SUGT1: variants seen among roughly 807,000 people sequenced by gnomAD.
SUGT1 encodes SGT1 assembly cochaperone of MIS12 kinetochore complex, also known as protein SGT1 homolog.
Under a neutral mutation model 56.1 loss-of-function variants are expected in SUGT1, and 15 were observed. That is an observed-to-expected ratio of 0.27 (90% CI 0.18 to 0.41). The LOEUF (loss-of-function observed/expected upper bound fraction) is 0.41, where lower values mean the gene tolerates loss of function less well. SUGT1 is among the 10% of genes least tolerant of loss of function. The pLI is 1.00. For missense variants in SUGT1, 347 were observed against 382.2 expected, an observed-to-expected ratio of 0.91 and a Z score of 0.77; for synonymous variants, 123 against 128.6, an observed-to-expected ratio of 0.96 and a Z score of 0.30.
intron 5 of SUGT1, among the ~76,000 whole-genome samples, chr13:52,659,810 ATATATTTTTTTTTTTTTTTTTTT>A (rs1871757801): frequency 4.6e-5 from 1 of 21,580 alleles, no homozygotes; most frequent in Non-Finnish European, 8.1e-5. Flanking sequence ...ATATATATAT[ATATATTTTTTTTTTTTTTTTTTT>A]TTTTTTTTTT....
chr13:52,681,836 TA>T (rs35537047), intron 12 of SUGT1, among the ~76,000 whole-genome samples: 28 of 133,964 alleles, frequency 2.1e-4, no homozygotes, highest in South Asian at 4.8e-4. Flanking sequence ...CCTATCTCTT[TA>T]AAAAAAAAAA....
intron 2 of SUGT1, among the ~76,000 whole-genome samples, chr13:52,654,125 A>G (rs1177945534): frequency 6.6e-6 from 1 of 152,226 alleles, no homozygotes; most frequent in Non-Finnish European, 1.5e-5. Flanking sequence ...CATTTGATTA[A>G]GAGAGGTTGG....
intron 8 of SUGT1, 94 bp from the exon 9 acceptor site, chr13:52,665,543 G>A: frequency 2.5e-6 from 2 of 812,628 alleles, no homozygotes; most frequent in Non-Finnish European, 3.9e-6. Context: ...TCCTCCAGGT[G>A]GGGCTCTTGT....
At chr13:52,682,567 G>A (rs566040505) in intron 12 of SUGT1, among the ~76,000 whole-genome samples, 1 of 152,198 alleles carries the variant, frequency 6.6e-6, no homozygotes, top group Non-Finnish European at 1.5e-5. Context: ...TTAACTTGAG[G>A]TTCCTTTTTG....
rs928209960 is a variant in SUGT1 at position 52,670,723 on chromosome 13, G to T, written c.627+3804G>T. Among the ~76,000 whole-genome samples the T allele has an allele frequency of 3.9e-5, 6 of 152,232 alleles. No individual in the cohort carries two copies. The South Asian group carries it at 8.3e-4, about 21-fold the overall frequency. On this transcript the variant is annotated intron_variant, in intron 10 of 12. Coordinates refer to ENST00000310528, the MANE Select transcript of SUGT1 (RefSeq NM_006704.5). ...CTCGGGAGACTGAGGCAGGAGAATC[G>T]CTTGAACCTGGGAGGCGGAGGTTGC...
Position 52,687,961 on chromosome 13 carries a change from G to A in SUGT1, c.*126G>A, listed in dbSNP as rs1963661485. 1 of 548,806 alleles carries A rather than the reference G, an allele frequency of 1.8e-6. No homozygotes were observed. Among genetic ancestry groups the A allele is most frequent in the South Asian group, 3.5e-5 (1 of 28,968 alleles). 34.0% of individuals were successfully genotyped at this position (548,806 alleles called of 1,614,324 possible). A position where few individuals can be genotyped will look rare whatever the true frequency, so the allele number is the denominator to read the frequency against. ...AGATTATACTTCTTTACCTCTTTGT[G>A]CTTTAGAAATTATTTTCCTTCAAGT... On this transcript the variant is annotated 3_prime_UTR_variant, in exon 13 of 13. Coordinates refer to ENST00000310528, the MANE Select transcript of SUGT1 (RefSeq NM_006704.5).
chr13:52,654,688 A>T (rs1962074644), intron 2 of SUGT1, among the ~76,000 whole-genome samples: 1 of 152,236 alleles, frequency 6.6e-6, no homozygotes, highest in Admixed American at 6.5e-5. Flanking sequence ...ATCATACAGT[A>T]GGTGCTTTAT....
Position 52,687,987 on chromosome 13 carries a change from G to A in SUGT1, c.*152G>A. ...CTTTAGAAATTATTTTCCTTCAAGTGTTCAAGTCTAATGAAGAATGAAGAT... is the reference window on the plus strand; with the variant it reads ...CTTTAGAAATTATTTTCCTTCAAGTATTCAAGTCTAATGAAGAATGAAGAT... On this transcript the variant is annotated 3_prime_UTR_variant, in exon 13 of 13. Coordinates refer to ENST00000310528, the MANE Select transcript of SUGT1 (RefSeq NM_006704.5). 1 of 481,688 alleles carries A rather than the reference G, an allele frequency of 2.1e-6. No individual in the cohort carries two copies. Among genetic ancestry groups the A allele is most frequent in the Non-Finnish European group, 3.5e-6 (1 of 281,852 alleles). 29.8% of individuals were successfully genotyped at this position (481,688 alleles called of 1,614,324 possible). A position where few individuals can be genotyped will look rare whatever the true frequency, so the allele number is the denominator to read the frequency against.
At chr13:52,664,420 A>T (rs1322694855) in intron 8 of SUGT1, among the ~76,000 whole-genome samples, 4 of 152,204 alleles carry the variant, frequency 2.6e-5, no homozygotes, top group African/African-American at 9.7e-5. Flanking sequence ...ATTTGGAGCA[A>T]ATTTTTCATA....
chr13:52,668,846 AAG>A (rs1555272323), intron 10 of SUGT1, among the ~76,000 whole-genome samples: 1 of 151,976 alleles, frequency 6.6e-6, no homozygotes, highest in African/African-American at 2.4e-5. Flanking sequence ...AAAAAAAAAA[AAG>A]ATTGTTAATG....
At position 52,695,272 on chromosome 13, in the gene SUGT1, GTTA is replaced by G. The variant is rs916577715; in HGVS notation, c.*7443_*7445del. 6.6e-6 allele frequency: 1 copy of G among 151,762 alleles called. No homozygotes were observed. The highest frequency in any genetic ancestry group is 6.6e-5 in the Admixed American group (1 of 15,220). 9.4% of individuals were successfully genotyped at this position (151,762 alleles called of 1,614,324 possible). ...AATTGAGTGCATTTCCTTTATTATTGTTATTATTTTGCTATTTCAAAACAATTG... is the reference window on the plus strand; with the variant it reads ...AATTGAGTGCATTTCCTTTATTATTGTTATTTTGCTATTTCAAAACAATTG... On this transcript the variant is annotated 3_prime_UTR_variant, in exon 13 of 13. Coordinates refer to ENST00000310528, the MANE Select transcript of SUGT1 (RefSeq NM_006704.5).
intron 10 of SUGT1, among the ~76,000 whole-genome samples, chr13:52,668,578 T>G (rs1308131481): frequency 6.6e-6 from 1 of 152,068 alleles, no homozygotes; most frequent in Non-Finnish European, 1.5e-5. Context: ...CTTGGGACAA[T>G]AGAAAGTGAG....
chr13:52,661,930 CTTAT>C (rs562312193), intron 5 of SUGT1, among the ~76,000 whole-genome samples: 5 of 152,192 alleles, frequency 3.3e-5, no homozygotes, highest in African/African-American at 7.2e-5. Context: ...TTAATAAGCT[CTTAT>C]TTAGAGTACT....
chr13:52,663,145 A>G lies in SUGT1; in HGVS notation c.399+33A>G, dbSNP rs1962543092. ...CAAAGTTTTCATTCTTCATGTTTTT[A>G]TTATTTTAAATTTCAGCTACCAAAT... On this transcript the variant is annotated intron_variant, in intron 7 of 12. Transcript: ENST00000310528. 5 of 1,597,834 alleles carry G rather than the reference A, an allele frequency of 3.1e-6. No individual in the cohort carries two copies. The African/African-American group carries it at 4.0e-5, about 13-fold the overall frequency.
Position 52,658,391 on chromosome 13 carries a change from C to T in SUGT1, c.188-8C>T. ...TAACTGACTAAAAACCCGTCTTTTTCTACACAGTTGCTGTTGCTGATGCAA... is the reference window on the plus strand; with the variant it reads ...TAACTGACTAAAAACCCGTCTTTTTTTACACAGTTGCTGTTGCTGATGCAA... On this transcript the variant is annotated splice_region_variant and splice_polypyrimidine_tract_variant and intron_variant, in intron 3 of 12. Coordinates refer to ENST00000310528, the MANE Select transcript of SUGT1 (RefSeq NM_006704.5). The T allele has an allele frequency of 1.2e-6, 2 of 1,611,084 alleles. No individual in the cohort carries two copies. The highest frequency in any genetic ancestry group is 1.7e-6 in the Non-Finnish European group (2 of 1,179,244).
At chr13:52,663,944 TTAA>T in intron 7 of SUGT1, 88 bp from the exon 8 acceptor site, 1 of 1,233,704 alleles carries the variant, frequency 8.1e-7, no homozygotes, top group Non-Finnish European at 1.2e-6. Flanking sequence ...GTTGGGTAAA[TTAA>T]TAATACATGC....
chr13:52,665,237 A>G (rs887363204), intron 8 of SUGT1, among the ~76,000 whole-genome samples: 2 of 152,284 alleles, frequency 1.3e-5, no homozygotes. Context: ...ATCATCTGTA[A>G]AATAGGGATT....
chr13:52,652,944 T>G lies in SUGT1; in HGVS notation c.24T>G (p.Thr8=). ...GGATGGCGGCGGCTGCAGCAGGAAC[T>G]GCAACATCCCAGAGGTGCATGTTTT... The part of the protein sequence containing the change: MAAAAAG[T]ATSQRFFQSF... Residue 8 remains threonine, a synonymous_variant, in exon 1 of 13, where the codon ACT becomes ACG. Transcript: ENST00000310528. The G allele has an allele frequency of 6.2e-7, 1 of 1,614,220 alleles. No individual in the cohort carries two copies. Among genetic ancestry groups the G allele is most frequent in the South Asian group, 1.1e-5 (1 of 91,084 alleles).
chr13:52,674,661 G>A (rs1318565012), intron 10 of SUGT1, among the ~76,000 whole-genome samples: 1 of 151,970 alleles, frequency 6.6e-6, no homozygotes, highest in African/African-American at 2.4e-5. Context: ...TTTTAAGTCT[G>A]CCTTTTGATT....
Sources: allele counts gnomAD v4.1 joint callset (sites outside exome capture counted in the v4.1 genomes callset), GRCh38; gene constraint gnomAD v4.1.1; transcripts MANE v1.5; gene names NCBI Gene and HGNC (gene_info 2026-07-23, HGNC 2026-07-21).